The following PDE4D variants were observed in gnomAD, a reference collection of about 807,000 sequenced individuals.
PDE4D encodes phosphodiesterase 4D.
PDE4D carries 24 observed loss-of-function variants against 87.4 expected under a neutral mutation model. The ratio of observed to expected loss-of-function variants is 0.27; its 90% confidence interval spans 0.20 to 0.39. The LOEUF is 0.39. Among genes scored for constraint, PDE4D ranks in the 10% least tolerant of loss-of-function variants. The probability of loss-of-function intolerance (pLI) is 1.00; values close to 1 mark genes in which losing one functional copy is unlikely to be tolerated. For synonymous variants in PDE4D, 384 were observed against 383.2 expected (o/e 1.00, Z -0.02); for missense variants, 714 against 1,041.0 (o/e 0.69, Z 4.32).
At position 59,354,051 on chromosome 5, in the gene PDE4D, C is replaced by A. The variant is rs555063127; in HGVS notation, c.456-138083G>T. Among the ~76,000 whole-genome samples the A allele has an allele frequency of 2.0e-5, 3 of 152,160 alleles. No homozygotes were observed. The South Asian group carries it at 6.2e-4, about 32-fold the overall frequency. On this transcript the variant is annotated intron_variant, in intron 1 of 14. Transcript: ENST00000340635. The stretch of plus-strand genomic sequence containing the variant: ...TATTACCAGGCAGCAAAAGCCATGC[C>A]AAGGAAAAATATTCCAGTTAAAGCT...
intron 1 of PDE4D, chr5:60,487,841 C>T (rs1010235924): frequency 1.3e-5 from 2 of 152,268 alleles, no homozygotes; most frequent in African/African-American, 4.8e-5. Flanking sequence ...ACCTTAAAAA[C>T]GAATCATCTG....
Position 59,244,718 on chromosome 5 carries a change from GTGTGTA to G in PDE4D, c.456-28756_456-28751del, listed in dbSNP as rs1238431747. Among the ~76,000 whole-genome samples, 251 of 142,538 alleles carry G rather than the reference GTGTGTA, an allele frequency of 1.8e-3. 1 individual carries two copies. Among genetic ancestry groups the G allele is most frequent in the African/African-American group, 5.8e-3 (223 of 38,488 alleles). The allele number at this position is 142,538 out of a possible 152,430, so 93.5% of individuals were successfully genotyped here. ...TGTGTGTGTGTGTGTGTGTGTGTGT[GTGTGTA>G]TAGAGAGACCGACCTGATTTCATCT... On this transcript the variant is annotated intron_variant, in intron 1 of 14. Coordinates refer to ENST00000340635, the MANE Select transcript of PDE4D (RefSeq NM_001104631.2).
At chr5:59,817,811 A>G (rs1769170686) in intron 1 of PDE4D, among the ~76,000 whole-genome samples, 1 of 149,000 alleles carries the variant, frequency 6.7e-6, no homozygotes, top group South Asian at 2.2e-4. Flanking sequence ...TCTGCAGGCC[A>G]AGAAGAGACC....
chr5:59,338,943 A>G (rs1404921893), intron 1 of PDE4D, among the ~76,000 whole-genome samples: 1 of 152,260 alleles, frequency 6.6e-6, no homozygotes, highest in Non-Finnish European at 1.5e-5. Context: ...AAAATATCTT[A>G]TGAAATATGT....
chr5:59,460,223 C>G lies in PDE4D; in HGVS notation c.456-244255G>C, dbSNP rs182705240. ...AAAGAAATATTACAAAATGAAAAATCCATAGGAAAATGGATTAAAACTTTA... is the reference window on the plus strand; with the variant it reads ...AAAGAAATATTACAAAATGAAAAATGCATAGGAAAATGGATTAAAACTTTA... On this transcript the variant is annotated intron_variant, in intron 1 of 14. Transcript: ENST00000340635. Among the ~76,000 whole-genome samples the G allele has an allele frequency of 2.1e-3, 322 of 151,700 alleles. 2 individuals carry two copies. Among genetic ancestry groups the G allele is most frequent in the Non-Finnish European group, 3.4e-3 (234 of 67,886 alleles).
At chr5:59,327,760 A>G (rs529968398) in intron 1 of PDE4D, among the ~76,000 whole-genome samples, 1 of 152,344 alleles carries the variant, frequency 6.6e-6, no homozygotes, top group South Asian at 2.1e-4. Flanking sequence ...GATTTGAAAT[A>G]CTAGAAAGAA....
In PDE4D at chr5:60,255,085, G is replaced by C. The variant is rs79541339; in HGVS notation, c.-89-69398C>G. ...AAGTGTCATATTTACACTTTTTCTTGCTTTGAGTTTAGTAACCATCTCTTC... is the reference window on the plus strand; with the variant it reads ...AAGTGTCATATTTACACTTTTTCTTCCTTTGAGTTTAGTAACCATCTCTTC... On this transcript the variant is annotated intron_variant, in intron 1 of 16. Transcript: ENST00000502484. Among the ~76,000 whole-genome samples the C allele has an allele frequency of 7.7e-3, 1,168 of 151,922 alleles. 11 individuals carry two copies. The highest frequency in any genetic ancestry group is 0.026 in the African/African-American group (1,092 of 41,486).
chr5:58,998,242 C>T (rs535314176), intron 6 of PDE4D, among the ~76,000 whole-genome samples: 1 of 151,904 alleles, frequency 6.6e-6, no homozygotes, highest in Admixed American at 6.6e-5. Flanking sequence ...CAAAAAGAAA[C>T]GTACTAAAAT....
At chr5:59,721,453 T>C (rs1031148169) in intron 1 of PDE4D, among the ~76,000 whole-genome samples, 9 of 152,188 alleles carry the variant, frequency 5.9e-5, no homozygotes, top group African/African-American at 1.7e-4. Flanking sequence ...TGAGTGCTTA[T>C]GTGCTAGGGA....
chr5:59,856,892 A>G (rs1252382316), intron 1 of PDE4D, among the ~76,000 whole-genome samples: 1 of 152,148 alleles, frequency 6.6e-6, no homozygotes, highest in Admixed American at 6.5e-5. Flanking sequence ...GAAAATGAGT[A>G]TTAGTCCTTT....
At chr5:60,332,940 A>G (rs1242891275) in intron 1 of PDE4D, among the ~76,000 whole-genome samples, 1 of 152,226 alleles carries the variant, frequency 6.6e-6, no homozygotes. Context: ...AGGATAATCC[A>G]GGTATAGCAT....
At chr5:60,058,168 G>A (rs189629249) in intron 2 of PDE4D, among the ~76,000 whole-genome samples, 2 of 152,026 alleles carry the variant, frequency 1.3e-5, no homozygotes, top group African/African-American at 2.4e-5. Flanking sequence ...TAAGTTTTGA[G>A]CATTTTGAGC....
intron 1 of PDE4D, among the ~76,000 whole-genome samples, chr5:60,414,663 C>A (rs1156514092): frequency 1.3e-5 from 2 of 152,194 alleles, no homozygotes; most frequent in Non-Finnish European, 2.9e-5. Flanking sequence ...CTCCAGGTAT[C>A]TGGAGTAAAC....
intron 1 of PDE4D, among the ~76,000 whole-genome samples, chr5:59,406,691 T>C (rs777469315): frequency 3.7e-4 from 56 of 152,060 alleles, no homozygotes; most frequent in Non-Finnish European, 5.9e-4. Context: ...CCCAGCAACA[T>C]CTCCCTTTTC....
At chr5:60,411,009 TC>T (rs1742000743) in intron 1 of PDE4D, among the ~76,000 whole-genome samples, 1 of 152,174 alleles carries the variant, frequency 6.6e-6, no homozygotes. Context: ...TGCATACTTT[TC>T]CCCAGGTCAG....
chr5:59,845,116 AG>A (rs775632815), intron 1 of PDE4D, among the ~76,000 whole-genome samples: 2 of 152,070 alleles, frequency 1.3e-5, no homozygotes, highest in Non-Finnish European at 2.9e-5. Context: ...GAGGACCCTG[AG>A]CCCCAGACAT....
At chr5:59,620,874 T>C (rs1385424459) in intron 1 of PDE4D, among the ~76,000 whole-genome samples, 1 of 152,270 alleles carries the variant, frequency 6.6e-6, no homozygotes, top group East Asian at 1.9e-4. Context: ...ATAGCCAGCA[T>C]GGGGAAGAAA....
intron 1 of PDE4D, among the ~76,000 whole-genome samples, chr5:60,416,104 C>T (rs964663920): frequency 9.2e-5 from 14 of 152,026 alleles, no homozygotes; most frequent in African/African-American, 2.7e-4. Flanking sequence ...ATACACCAAT[C>T]GACACTCTGT....
At chr5:59,735,293 T>C (rs188497075) in intron 1 of PDE4D, among the ~76,000 whole-genome samples, 1 of 152,346 alleles carries the variant, frequency 6.6e-6, no homozygotes, top group Non-Finnish European at 1.5e-5. Context: ...GAATGATTAC[T>C]AATGTCAAAG....
Sources: gnomAD v4.1 joint callset for allele counts (sites outside exome capture counted in the v4.1 genomes callset) on GRCh38, gnomAD v4.1.1 for gene constraint, MANE v1.5 for transcripts, NCBI Gene and HGNC (gene_info 2026-07-23, HGNC 2026-07-21) for gene names.